KLF17: variants seen among roughly 807,000 people sequenced by gnomAD.
KLF17 encodes KLF transcription factor 17.
KLF17 carries 31 observed loss-of-function variants against 34.2 expected under a neutral mutation model. That is an observed-to-expected ratio of 0.91 (90% CI 0.68 to 1.22). The LOEUF (loss-of-function observed/expected upper bound fraction) is 1.22. KLF17 is among the 50% of genes most tolerant of loss of function. KLF17 has a pLI of 0.00. For synonymous variants in KLF17, 179 were observed against 186.7 expected (o/e 0.96, Z 0.34); for missense variants, 478 against 505.2 (o/e 0.95, Z 0.52).
chr1:44,044,824 G>A, the KLF17 span: 2 of 152,266 alleles, frequency 1.3e-5, no homozygotes, highest in Admixed American at 6.5e-5. Context: ...AAATGCCAGT[G>A]CTGTTTATTG....
chr1:44,112,545 C>G, the KLF17 span, among the ~76,000 whole-genome samples: 1 of 152,114 alleles, frequency 6.6e-6, no homozygotes, highest in Non-Finnish European at 1.5e-5. Flanking sequence ...ACTAGGACTA[C>G]AGGCACTTGC....
the KLF17 span, among the ~76,000 whole-genome samples, chr1:44,061,402 G>A: frequency 5.0e-4 from 76 of 152,282 alleles, no homozygotes; most frequent in Admixed American, 5.9e-4. Flanking sequence ...CTCTGGAGGT[G>A]AGACTCAGAC....
the KLF17 span, among the ~76,000 whole-genome samples, chr1:44,077,052 T>C: frequency 6.7e-6 from 1 of 150,366 alleles, no homozygotes; most frequent in Non-Finnish European, 1.5e-5. Flanking sequence ...TTCTTTTTTT[T>C]TAAAAAAAAA....
intron 3 of KLF17, among the ~76,000 whole-genome samples, 157 bp from the exon 4 acceptor site, chr1:44,133,081 T>C (rs1423550270): frequency 6.6e-6 from 1 of 152,200 alleles, no homozygotes; most frequent in Non-Finnish European, 1.5e-5. Flanking sequence ...GGGACCGTCT[T>C]GATCTGGGGG....
the KLF17 span, among the ~76,000 whole-genome samples, chr1:44,102,559 TACACATAC>T: frequency 1.9e-3 from 170 of 87,714 alleles, 5 homozygotes; most frequent in African/African-American, 8.0e-3. Flanking sequence ...ATCACACACA[TACACATAC>T]ACACACACAC....
At chr1:44,054,557 T>G in the KLF17 span, among the ~76,000 whole-genome samples, 1 of 142,714 alleles carries the variant, frequency 7.0e-6, no homozygotes, top group Admixed American at 7.5e-5. Context: ...CTCAGCTCAC[T>G]GCAAGCTCCA....
chr1:44,063,240 A>G, the KLF17 span, among the ~76,000 whole-genome samples: 3 of 152,344 alleles, frequency 2.0e-5, no homozygotes, highest in East Asian at 3.9e-4. Context: ...AGGGAGTGGT[A>G]TTAACTTGCA....
At chr1:44,069,512 G>GAGAGAGAGAGAGACAGAGAGA in the KLF17 span, among the ~76,000 whole-genome samples, 1 of 114,548 alleles carries the variant, frequency 8.7e-6, no homozygotes, top group Non-Finnish European at 1.7e-5. The surrounding 1 kb of genome is among the most constrained non-coding windows in gnomAD (Gnocchi z 4.7). Flanking sequence ...GAGAGAGAGA[G>GAGAGAGAGAGAGACAGAGAGA]AAGACAGGAG....
the KLF17 span, among the ~76,000 whole-genome samples, chr1:44,091,372 T>C: frequency 1.3e-5 from 2 of 152,030 alleles, no homozygotes; most frequent in Admixed American, 6.6e-5. Context: ...TCCATACCTC[T>C]GGGCCAGGCA....
the KLF17 span, among the ~76,000 whole-genome samples, chr1:44,047,493 G>T: frequency 6.6e-6 from 1 of 152,278 alleles, no homozygotes; most frequent in South Asian, 2.1e-4. Flanking sequence ...GTTGATAAAT[G>T]CTTGAGGTTT....
chr1:44,132,288 A>C (rs1200758509), intron 3 of KLF17, among the ~76,000 whole-genome samples: 1 of 152,128 alleles, frequency 6.6e-6, no homozygotes, highest in Non-Finnish European at 1.5e-5. Flanking sequence ...CCTGGGTGAC[A>C]GCAAGACTCC....
chr1:44,053,659 G>A, the KLF17 span, among the ~76,000 whole-genome samples: 2 of 152,192 alleles, frequency 1.3e-5, no homozygotes, highest in African/African-American at 4.8e-5. Flanking sequence ...GACAGGCATG[G>A]AGGAACAACC....
the KLF17 span, among the ~76,000 whole-genome samples, chr1:44,085,094 GTA>G: frequency 8.0e-5 from 12 of 150,762 alleles, no homozygotes; most frequent in Admixed American, 5.3e-4. Context: ...ATATATATAT[GTA>G]TATATATATG....
chr1:44,096,500 A>C, the KLF17 span, among the ~76,000 whole-genome samples: 1 of 149,064 alleles, frequency 6.7e-6, no homozygotes, highest in African/African-American at 2.5e-5. Flanking sequence ...CCAGGTTCAC[A>C]CCATTCTCCT....
At chr1:44,078,844 G>A in the KLF17 span, among the ~76,000 whole-genome samples, 2 of 152,036 alleles carry the variant, frequency 1.3e-5, no homozygotes, top group Non-Finnish European at 2.9e-5. Context: ...CCAGTGGACC[G>A]TTTCCTTCCT....
chr1:44,067,100 A>G, the KLF17 span, among the ~76,000 whole-genome samples: 1 of 152,294 alleles, frequency 6.6e-6, no homozygotes, highest in East Asian at 1.9e-4. Flanking sequence ...TTATTTTTAA[A>G]AACAAACAAT....
chr1:44,127,516 TCC>T (rs2088023548), intron 1 of KLF17, among the ~76,000 whole-genome samples: 3 of 151,084 alleles, frequency 2.0e-5, no homozygotes, highest in Non-Finnish European at 4.4e-5. Context: ...CTTCCTTCCT[TCC>T]CTCCCTCCCT....
chr1:44,130,731 A>G lies in KLF17; in HGVS notation c.1145A>G (p.Asp382Gly), dbSNP rs2088099168. 6.2e-7 allele frequency: 1 copy of G among 1,614,106 alleles called. No individual in the cohort carries two copies. The highest frequency in any genetic ancestry group is 8.5e-7 in the Non-Finnish European group (1 of 1,179,982). The stretch of plus-strand genomic sequence containing the variant: ...GCCAACAACAACAATGGAGAGCAGG[A>G]CAGTCCTCCTGCTGCTGGTCCTTAG... ...PQANNNNGEQ[D>G]SPPAAGP Residue 382 changes from aspartate (D) to glycine (G), a missense_variant, in exon 3 of 4, where the codon GAC becomes GGC. By Grantham distance (94) the Asp-to-Gly change is moderately conservative (BLOSUM62 -1). Coordinates refer to ENST00000372299, the MANE Select transcript of KLF17 (RefSeq NM_173484.4).
the KLF17 span, among the ~76,000 whole-genome samples, chr1:44,075,870 C>T: frequency 6.6e-6 from 1 of 152,168 alleles, no homozygotes; most frequent in South Asian, 2.1e-4. Context: ...TGATCTGGTT[C>T]TGTAAATCTG....
Sources: gnomAD v4.1 joint callset for allele counts (sites outside exome capture counted in the v4.1 genomes callset) on GRCh38, gnomAD v4.1.1 for gene constraint, Gnocchi (gnomAD v3.1) non-coding constraint, MANE v1.5 for transcripts, NCBI Gene and HGNC (gene_info 2026-07-23, HGNC 2026-07-21) for gene names.